CDH4: variants seen among roughly 807,000 people sequenced by gnomAD.
The protein encoded by CDH4 is cadherin 4.
A neutral mutation model predicts 86.0 loss-of-function variants in CDH4; 33 were observed. The observed-to-expected ratio is 0.38, with a 90% CI of 0.29 to 0.51. The LOEUF is 0.51. Among genes scored for constraint, CDH4 ranks in the 20% least tolerant of loss-of-function variants. The pLI, the probability that CDH4 is intolerant of heterozygous loss-of-function variation, is 0.86. For missense variants in CDH4, 1,114 were observed against 1,307.4 expected (o/e 0.85, Z 2.28); for synonymous variants, 555 against 549.4 (o/e 1.01, Z -0.14).
At chr20:61,884,839 G>A (rs946825808) in intron 7 of CDH4, among the ~76,000 whole-genome samples, 13 of 152,152 alleles carry the variant, frequency 8.5e-5, no homozygotes, top group South Asian at 2.1e-4. Flanking sequence ...GGGTGGGGGC[G>A]GGGAAGGCTT....
chr20:61,342,878 G>A (rs890886440), intron 2 of CDH4, among the ~76,000 whole-genome samples: 3 of 152,220 alleles, frequency 2.0e-5, no homozygotes, highest in South Asian at 2.1e-4. Context: ...TCTGTGCGGC[G>A]ATTATAGCCA....
intron 4 of CDH4, among the ~76,000 whole-genome samples, chr20:61,786,575 A>G (rs1600987271): frequency 3.9e-5 from 6 of 152,326 alleles, no homozygotes; most frequent in Admixed American, 3.9e-4. Flanking sequence ...TTTAATGGCT[A>G]TATTTACGCA....
intron 2 of CDH4, among the ~76,000 whole-genome samples, chr20:61,683,040 CAG>C (rs2087534658): frequency 6.6e-6 from 1 of 152,022 alleles, no homozygotes; most frequent in African/African-American, 2.4e-5. Flanking sequence ...AATGACAGCC[CAG>C]AGTCTATTAA....
At chr20:61,659,706 A>G (rs1218756480) in intron 2 of CDH4, among the ~76,000 whole-genome samples, 1 of 147,122 alleles carries the variant, frequency 6.8e-6, no homozygotes, top group Non-Finnish European at 1.5e-5. Flanking sequence ...GGTGGGCCTC[A>G]GGCATCCGAG....
At chr20:61,413,507 T>G (rs766645312) in intron 2 of CDH4, among the ~76,000 whole-genome samples, 7 of 152,072 alleles carry the variant, frequency 4.6e-5, no homozygotes, top group Non-Finnish European at 8.8e-5. Context: ...ATCTGTAAAC[T>G]GGGGAGGTGG....
chr20:61,282,577 C>A (rs945347951), intron 2 of CDH4, among the ~76,000 whole-genome samples: 15 of 137,532 alleles, frequency 1.1e-4, no homozygotes, highest in African/African-American at 3.7e-4. Flanking sequence ...GTGTGTATGT[C>A]TATCTGTACT....
chr20:61,889,303 TG>T, intron 7 of CDH4, among the ~76,000 whole-genome samples: 1 of 150,050 alleles, frequency 6.7e-6, no homozygotes, highest in Non-Finnish European at 1.5e-5. Context: ...CATGGATGGA[TG>T]GATGGATGGA....
chr20:61,760,223 G>C (rs1423897991), intron 3 of CDH4, among the ~76,000 whole-genome samples: 1 of 152,204 alleles, frequency 6.6e-6, no homozygotes, highest in Non-Finnish European at 1.5e-5. Context: ...TGGTGGTTAC[G>C]TGGTTTGTGA....
chr20:61,744,667 GC>G (rs1448604162), intron 3 of CDH4, among the ~76,000 whole-genome samples: 1 of 152,122 alleles, frequency 6.6e-6, no homozygotes, highest in Non-Finnish European at 1.5e-5. Context: ...CTCCGACTCT[GC>G]CTCCTTCTAA....
chr20:61,269,885 C>A lies in CDH4; in HGVS notation c.169+14948C>A, dbSNP rs538063861. 6.6e-6 allele frequency among the ~76,000 whole-genome samples: 1 copy of A among 152,270 alleles called. No individual in the cohort carries two copies. The highest frequency in any genetic ancestry group is 1.5e-5 in the Non-Finnish European group (1 of 68,028). ...GCCAGTGGTACTCATTTCCACATGG[C>A]CCCGGCTGTTGACGATGACCTTAAG... On this transcript the variant is annotated intron_variant, in intron 2 of 15. Transcript: ENST00000614565. This position sits in a 1 kb window ranked among gnomAD's most constrained non-coding sequence, Gnocchi z 5.3.
At chr20:61,390,709 T>C (rs1434071203) in intron 2 of CDH4, among the ~76,000 whole-genome samples, 1 of 151,726 alleles carries the variant, frequency 6.6e-6, no homozygotes. Context: ...CATAGCACCG[T>C]GTCTGGGAGA....
At position 61,662,024 on chromosome 20, in the gene CDH4, A is replaced by G. The variant is rs567129390; in HGVS notation, c.170-81539A>G. ...TTAAAAGGTTAATTTGTGAAACCCCAGGTGTGTTGGAATGTCACATCCTAT... is the reference window on the plus strand; with the variant it reads ...TTAAAAGGTTAATTTGTGAAACCCCGGGTGTGTTGGAATGTCACATCCTAT... On this transcript the variant is annotated intron_variant, in intron 2 of 15. Transcript: ENST00000614565. Among the ~76,000 whole-genome samples, 4 of 152,266 alleles carry G rather than the reference A, an allele frequency of 2.6e-5. No individual in the cohort carries two copies. The East Asian group carries it at 7.7e-4, about 29-fold the overall frequency.
At chr20:61,877,554 C>T (rs1984086952) in intron 7 of CDH4, among the ~76,000 whole-genome samples, 1 of 152,122 alleles carries the variant, frequency 6.6e-6, no homozygotes, top group South Asian at 2.1e-4. Flanking sequence ...TGTGAACAGC[C>T]CGGCTTCTAT....
chr20:61,322,687 C>T (rs1280424323), intron 2 of CDH4, among the ~76,000 whole-genome samples: 1 of 152,192 alleles, frequency 6.6e-6, no homozygotes, highest in Non-Finnish European at 1.5e-5. Context: ...ATGTTCACTT[C>T]ATCCAACGCT....
intron 2 of CDH4, among the ~76,000 whole-genome samples, chr20:61,286,349 T>C (rs1449637037): frequency 2.6e-5 from 4 of 152,210 alleles, no homozygotes; most frequent in East Asian, 1.9e-4. Flanking sequence ...CTGTGTCATA[T>C]GGACTTGAGG....
Position 61,681,648 on chromosome 20 carries a change from C to T in CDH4, c.170-61915C>T, listed in dbSNP as rs2087514115. ...TGCAGGAAGCCCGGAATCCCTTCCA[C>T]AGGCACAGAGCTGAGGGTGCTGCAG... On this transcript the variant is annotated intron_variant, in intron 2 of 15. Transcript: ENST00000614565. This position sits in a 1 kb window ranked among gnomAD's most constrained non-coding sequence, Gnocchi z 4.5. 6.6e-6 allele frequency among the ~76,000 whole-genome samples: 1 copy of T among 152,214 alleles called. No homozygotes were observed. The highest frequency in any genetic ancestry group is 2.4e-5 in the African/African-American group (1 of 41,438).
intron 2 of CDH4, among the ~76,000 whole-genome samples, chr20:61,664,725 T>G (rs997281203): frequency 6.6e-6 from 1 of 152,232 alleles, no homozygotes; most frequent in African/African-American, 2.4e-5. Context: ...GGACGTTGGC[T>G]CAGAGCCCAG....
At chr20:61,762,694 A>T (rs1448145523) in intron 3 of CDH4, among the ~76,000 whole-genome samples, 1 of 152,196 alleles carries the variant, frequency 6.6e-6, no homozygotes, top group Non-Finnish European at 1.5e-5. Context: ...TTATCTGCTT[A>T]TACAAATCGG....
intron 3 of CDH4, among the ~76,000 whole-genome samples, chr20:61,770,126 G>A (rs1021182536): frequency 1.3e-5 from 2 of 152,154 alleles, no homozygotes; most frequent in Non-Finnish European, 2.9e-5. Context: ...GCTCTTTAAA[G>A]GCCCCTGAGG....
Sources: allele counts gnomAD v4.1 joint callset (sites outside exome capture counted in the v4.1 genomes callset), GRCh38; gene constraint gnomAD v4.1.1; non-coding constraint Gnocchi (gnomAD v3.1); transcripts MANE v1.5; gene names NCBI Gene and HGNC (gene_info 2026-07-23, HGNC 2026-07-21).